Variants in CARM1 observed in about 807,000 individuals in gnomAD.
The protein encoded by CARM1 is histone-arginine methyltransferase CARM1.
In CARM1, 14 loss-of-function variants were observed where a neutral mutation model predicts 72.7. The ratio of observed to expected loss-of-function variants is 0.19; its 90% CI spans 0.13 to 0.30. The LOEUF is 0.30. Among genes scored for constraint, CARM1 ranks in the 10% least tolerant of loss-of-function variants. The pLI is 1.00. For synonymous variants in CARM1, 333 were observed against 345.5 expected, an observed-to-expected ratio of 0.96 and a Z score of 0.40; for missense variants, 432 against 833.7, an observed-to-expected ratio of 0.52 and a Z score of 5.93.
intron 1 of CARM1, among the ~76,000 whole-genome samples, chr19:10,879,580 A>C (rs1218520145): frequency 6.6e-6 from 1 of 152,066 alleles, no homozygotes; most frequent in Non-Finnish European, 1.5e-5. Context: ...TGGAGGGGCT[A>C]AAAGTGGAAA....
At chr19:10,893,503 T>C (rs1455589958) in intron 1 of CARM1, among the ~76,000 whole-genome samples, 1 of 152,112 alleles carries the variant, frequency 6.6e-6, no homozygotes, top group African/African-American at 2.4e-5. Flanking sequence ...CACGCCCGGC[T>C]AATTTTTTTT....
intron 1 of CARM1, among the ~76,000 whole-genome samples, chr19:10,889,836 T>C (rs923387920): frequency 1.3e-5 from 2 of 152,138 alleles, no homozygotes; most frequent in Non-Finnish European, 2.9e-5. Flanking sequence ...ACCTGTGCAC[T>C]TCCCACCCTC....
chr19:10,915,247 C>G lies in CARM1; in HGVS notation c.848-1160C>G, dbSNP rs1229090314. ...TGCTCCAGGGGCTGTGGGCCCCACT[C>G]TCCTCCCCTTCTGCCCTGATGGTGG... On this transcript the variant is annotated intron_variant, in intron 6 of 15. Coordinates refer to ENST00000327064, the MANE Select transcript of CARM1 (RefSeq NM_199141.2). The surrounding 1 kb of genome is among the most constrained non-coding windows in gnomAD (Gnocchi z 4.6). Among the ~76,000 whole-genome samples, 1 of 152,112 alleles carries G rather than the reference C, an allele frequency of 6.6e-6. No homozygotes were observed. Among genetic ancestry groups the G allele is most frequent in the Non-Finnish European group, 1.5e-5 (1 of 68,006 alleles).
chr19:10,899,081 C>A (rs1327602039), intron 1 of CARM1, among the ~76,000 whole-genome samples: 1 of 119,762 alleles, frequency 8.3e-6, no homozygotes, highest in African/African-American at 3.2e-5. Context: ...CAGGTGTCTT[C>A]TGTGTGCCAG....
intron 1 of CARM1, among the ~76,000 whole-genome samples, chr19:10,888,169 A>G (rs34837445): frequency 0.29 from 44,575 of 152,144 alleles, 6,720 homozygotes; most frequent in East Asian, 0.53. Flanking sequence ...ACAATGTGAC[A>G]GACCCTCTTT....
In CARM1 at chr19:10,896,074, G is replaced by A. The variant is rs2074021910; in HGVS notation, c.221-8877G>A. ...TGGTTCCGGAAGGTGCTGGGGAACC[G>A]TGGGGCGGTGTGAAGCAGGCGGGTT... On this transcript the variant is annotated intron_variant, in intron 1 of 15. Coordinates refer to ENST00000327064, the MANE Select transcript of CARM1 (RefSeq NM_199141.2). The surrounding 1 kb of genome is among the most constrained non-coding windows in gnomAD (Gnocchi z 5.2). 6.6e-6 allele frequency among the ~76,000 whole-genome samples: 1 copy of A among 152,088 alleles called. No homozygotes were observed.
chr19:10,886,511 A>G (rs1325279825), intron 1 of CARM1, among the ~76,000 whole-genome samples: 1 of 147,580 alleles, frequency 6.8e-6, no homozygotes, highest in Non-Finnish European at 1.5e-5. Context: ...CCTCATTTTT[A>G]TCTTTTATCT....
chr19:10,902,501 G>A (rs1293203225), intron 1 of CARM1, among the ~76,000 whole-genome samples: 2 of 151,778 alleles, frequency 1.3e-5, no homozygotes, highest in Admixed American at 1.3e-4. Flanking sequence ...AGTAGACACA[G>A]GGTTTCACTG....
chr19:10,893,554 G>A (rs4804142), intron 1 of CARM1, among the ~76,000 whole-genome samples: 32,823 of 151,648 alleles, frequency 0.22, 3,759 homozygotes, highest in Middle Eastern at 0.31. Context: ...TAGCCAGGAT[G>A]GTCTCGATCT....
rs546953202 is a variant in CARM1, at chr19:10,916,511, G to C, written c.938+14G>C. 6.2e-7 allele frequency: 1 copy of C among 1,600,402 alleles called. No individual in the cohort carries two copies. The highest frequency in any genetic ancestry group is 2.2e-5 in the East Asian group (1 of 44,772). ...GGCCAACTTCTGGTGAGTGTGCCCT[G>C]GGTGTCCCGCCTGGGCCCCACAGCC... On this transcript the variant is annotated intron_variant, in intron 7 of 15. Coordinates refer to ENST00000327064, the MANE Select transcript of CARM1 (RefSeq NM_199141.2). This position sits in a 1 kb window ranked among gnomAD's most constrained non-coding sequence, Gnocchi z 4.4.
chr19:10,916,391 C>G lies in CARM1; in HGVS notation c.848-16C>G, dbSNP rs1285430106. 1 of 1,589,232 alleles carries G rather than the reference C, an allele frequency of 6.3e-7. No homozygotes were observed. The highest frequency in any genetic ancestry group is 2.2e-5 in the East Asian group (1 of 44,760). ...GTGTCACCTGACGCCAGCACCCCTC[C>G]CTGCCCCACTCCCAGGAAACATGTT... is the stretch of plus-strand genomic sequence containing the variant. On this transcript the variant is annotated splice_polypyrimidine_tract_variant and intron_variant, in intron 6 of 15. Coordinates refer to ENST00000327064, the MANE Select transcript of CARM1 (RefSeq NM_199141.2). This position sits in a 1 kb window ranked among gnomAD's most constrained non-coding sequence, Gnocchi z 4.4.
chr19:10,874,362 T>G (rs999546773), intron 1 of CARM1, among the ~76,000 whole-genome samples: 14 of 151,798 alleles, frequency 9.2e-5, no homozygotes, highest in African/African-American at 2.4e-4. Flanking sequence ...CACTTTTTTG[T>G]TTTTTTTCTT....
intron 1 of CARM1, among the ~76,000 whole-genome samples, chr19:10,901,413 C>G (rs987018343): frequency 6.6e-6 from 1 of 151,900 alleles, no homozygotes; most frequent in Non-Finnish European, 1.5e-5. Context: ...AGCTCCCGGG[C>G]TCAAGCAATC....
chr19:10,919,442 C>T (rs1305361702), intron 8 of CARM1, 153 bp from the exon 9 acceptor site: 6 of 618,784 alleles, frequency 9.7e-6, no homozygotes, highest in Middle Eastern at 4.3e-4. Flanking sequence ...GGCGTTGTGC[C>T]GGTCCCCTCC....
chr19:10,899,600 C>T (rs2074049168), intron 1 of CARM1, among the ~76,000 whole-genome samples: 1 of 152,094 alleles, frequency 6.6e-6, no homozygotes, highest in East Asian at 1.9e-4. Flanking sequence ...CACCTGGCTC[C>T]TGGGGTGGGA....
chr19:10,890,299 CTCT>C (rs1469877858), intron 1 of CARM1, among the ~76,000 whole-genome samples: 1 of 145,792 alleles, frequency 6.9e-6, no homozygotes, highest in East Asian at 2.0e-4. Context: ...CAGAGTTTCG[CTCT>C]TGTTGTCCAG....
Position 10,916,482 on chromosome 19 carries a change from C to T in CARM1, c.923C>T (p.Thr308Ile). 1 of 1,612,954 alleles carries T rather than the reference C, an allele frequency of 6.2e-7. No individual in the cohort carries two copies. The highest frequency in any genetic ancestry group is 8.5e-7 in the Non-Finnish European group (1 of 1,179,026). ...TDEQLYMEQF[T>I]KANFWYQPSF... Reference sequence around the variant, plus strand: ...GAACAGCTCTACATGGAGCAGTTCACCAAGGCCAACTTCTGGTGAGTGTGC... The same window carrying T: ...GAACAGCTCTACATGGAGCAGTTCATCAAGGCCAACTTCTGGTGAGTGTGC... The change falls in exon 7 of 16, where the codon ACC (threonine) becomes ATC (isoleucine). Residue 308 changes from threonine to isoleucine, a missense_variant. Physicochemically the swap from Thr to Ile is moderately conservative, Grantham distance 89. This residue lies in a region of CARM1 where 152 missense variants were observed against 452.8 expected (regional missense o/e 0.34). Transcript: ENST00000327064. The surrounding 1 kb of genome is among the most constrained non-coding windows in gnomAD (Gnocchi z 4.4).
chr19:10,894,781 C>T (rs553769930), intron 1 of CARM1, among the ~76,000 whole-genome samples: 1 of 151,056 alleles, frequency 6.6e-6, no homozygotes, highest in African/African-American at 2.4e-5. Flanking sequence ...CACTCTGTCG[C>T]CCAGGCTGGA....
In CARM1 at chr19:10,896,417, A is replaced by C. The variant is rs540823254; in HGVS notation, c.221-8534A>C. Reference sequence around the variant, plus strand: ...GCAGGTGGGGAACAGCAGCCAGTCCACCAAGAGCTGCCCTCTTCCCCATCC... The same window carrying C: ...GCAGGTGGGGAACAGCAGCCAGTCCCCCAAGAGCTGCCCTCTTCCCCATCC... On this transcript the variant is annotated intron_variant, in intron 1 of 15. Coordinates refer to ENST00000327064, the MANE Select transcript of CARM1 (RefSeq NM_199141.2). This position sits in a 1 kb window ranked among gnomAD's most constrained non-coding sequence, Gnocchi z 5.2. 4.4e-4 allele frequency among the ~76,000 whole-genome samples: 67 copies of C among 152,032 alleles called. No homozygotes were observed. Among genetic ancestry groups the C allele is most frequent in the Middle Eastern group, 6.8e-3 (2 of 294 alleles).
Sources: allele counts gnomAD v4.1 joint callset (sites outside exome capture counted in the v4.1 genomes callset), GRCh38; gene constraint gnomAD v4.1.1; regional missense constraint gnomAD v4.1.1; non-coding constraint Gnocchi (gnomAD v3.1); transcripts MANE v1.5; gene names NCBI Gene and HGNC (gene_info 2026-07-23, HGNC 2026-07-21).